The following AFTPH variants were observed in gnomAD, a reference collection of about 807,000 sequenced individuals.
The protein encoded by AFTPH is aftiphilin, also known as aftiphilin protein.
AFTPH carries 7 observed loss-of-function variants against 72.5 expected under a neutral mutation model. The ratio of observed to expected loss-of-function variants is 0.10; its 90% confidence interval spans 0.05 to 0.18. AFTPH has a LOEUF of 0.18. Among genes scored for constraint, AFTPH ranks in the 10% least tolerant of loss-of-function variants. The pLI is 1.00. For synonymous variants in AFTPH, 337 were observed against 370.1 expected (o/e 0.91, Z 1.03); for missense variants, 979 against 1,060.5 (o/e 0.92, Z 1.07).
intron 1 of AFTPH, among the ~76,000 whole-genome samples, chr2:64,544,004 C>A: frequency 6.6e-6 from 1 of 152,210 alleles, no homozygotes; most frequent in Non-Finnish European, 1.5e-5. Context: ...GCTTAGGTTC[C>A]ATTGCTGACT....
intron 1 of AFTPH, among the ~76,000 whole-genome samples, chr2:64,544,289 T>C (rs1427551542): frequency 6.6e-6 from 1 of 152,218 alleles, no homozygotes; most frequent in East Asian, 1.9e-4. Flanking sequence ...TGCTACCCAA[T>C]TATGAGACCC....
intron 1 of AFTPH, among the ~76,000 whole-genome samples, chr2:64,536,409 A>G (rs1195389011): frequency 6.6e-6 from 1 of 151,914 alleles, no homozygotes; most frequent in Non-Finnish European, 1.5e-5. Flanking sequence ...TCTAATAAAA[A>G]TAAAAAATTA....
chr2:64,548,907 TA>T (rs1670843385), intron 1 of AFTPH, among the ~76,000 whole-genome samples: 1 of 152,208 alleles, frequency 6.6e-6, no homozygotes, highest in Non-Finnish European at 1.5e-5. Flanking sequence ...TTGAAGTAGA[TA>T]TATTACAATG....
intron 1 of AFTPH, among the ~76,000 whole-genome samples, chr2:64,526,739 T>C (rs1033173440): frequency 6.6e-6 from 1 of 152,240 alleles, no homozygotes; most frequent in African/African-American, 2.4e-5. Flanking sequence ...TGCAGCTTTA[T>C]ATGATAATTG....
chr2:64,526,150 T>C (rs1669251209), intron 1 of AFTPH, among the ~76,000 whole-genome samples: 1 of 152,236 alleles, frequency 6.6e-6, no homozygotes, highest in South Asian at 2.1e-4. Context: ...AAGGATAATA[T>C]GTCCTTAATA....
intron 2 of AFTPH, among the ~76,000 whole-genome samples, chr2:64,562,191 G>A (rs1398417762): frequency 6.6e-6 from 1 of 152,100 alleles, no homozygotes; most frequent in African/African-American, 2.4e-5. Context: ...TATGGTATAT[G>A]GGAGACAAGA....
At chr2:64,538,493 A>G (rs144092659) in intron 1 of AFTPH, among the ~76,000 whole-genome samples, 32 of 152,298 alleles carry the variant, frequency 2.1e-4, no homozygotes, top group African/African-American at 7.7e-4. Context: ...GAATGTGTTT[A>G]TATTTGATTT....
At chr2:64,572,106 G>A (rs761239134) in intron 5 of AFTPH, among the ~76,000 whole-genome samples, 40 of 151,776 alleles carry the variant, frequency 2.6e-4, no homozygotes, top group Non-Finnish European at 5.0e-4. Flanking sequence ...TGTAATCTTA[G>A]CTACTCGGGA....
intron 6 of AFTPH, among the ~76,000 whole-genome samples, chr2:64,575,541 C>T (rs182699873): frequency 1.4e-4 from 21 of 152,034 alleles, no homozygotes; most frequent in African/African-American, 4.8e-4. Flanking sequence ...CACTTGAGCT[C>T]AGAAGCTTGA....
At chr2:64,553,497 T>C (rs1671173926) in intron 2 of AFTPH, 88 bp downstream of exon 2, 1 of 1,390,456 alleles carries the variant, frequency 7.2e-7, no homozygotes. Context: ...TTTTTTCAAC[T>C]GAGTACTTGT....
chr2:64,538,941 G>A (rs1558594550), intron 1 of AFTPH, among the ~76,000 whole-genome samples: 2 of 152,158 alleles, frequency 1.3e-5, no homozygotes, highest in Non-Finnish European at 2.9e-5. Flanking sequence ...CAGAGGAATG[G>A]CAGCTGCCAC....
rs542606672 is a variant in AFTPH at position 64,573,809 on chromosome 2, C to T, written c.2394+741C>T. Among the ~76,000 whole-genome samples the T allele has an allele frequency of 3.9e-5, 6 of 152,182 alleles. No homozygotes were observed. In the South Asian group the frequency reaches 1.2e-3, roughly 32 times the overall value. On this transcript the variant is annotated intron_variant, in intron 6 of 8. Transcript: ENST00000238856. ...AGTAGCTGGGACTACAGGTGTGTGC[C>T]AACGTGCCCAGCTAATTTTTGTGTT... is the stretch of plus-strand genomic sequence containing the variant.
At chr2:64,562,024 C>T (rs1338098402) in intron 2 of AFTPH, among the ~76,000 whole-genome samples, 1 of 152,154 alleles carries the variant, frequency 6.6e-6, no homozygotes, top group Admixed American at 6.5e-5. Context: ...GACTTTGGAT[C>T]AAATATCTGC....
chr2:64,585,450 A>G, exon 8 of AFTPH: 6 of 1,611,376 alleles, frequency 3.7e-6, no homozygotes, highest in Non-Finnish European at 5.1e-6. Context: ...ATGAGTTAAC[A>G]ACTTCTAAGC....
chr2:64,588,227 G>A (rs372027508), intron 8 of AFTPH, among the ~76,000 whole-genome samples: 1 of 151,968 alleles, frequency 6.6e-6, no homozygotes, highest in Admixed American at 6.6e-5. Context: ...TTTGTGTCTC[G>A]GTTTTGCTTA....
intron 2 of AFTPH, among the ~76,000 whole-genome samples, chr2:64,560,006 A>C (rs1262201529): frequency 6.6e-6 from 1 of 152,152 alleles, no homozygotes; most frequent in Non-Finnish European, 1.5e-5. Context: ...GCTCCGCCCC[A>C]GAATAATGTT....
chr2:64,572,815 AAG>A, intron 5 of AFTPH, 129 bp from the exon 6 acceptor site: 1 of 1,189,450 alleles, frequency 8.4e-7, no homozygotes, highest in Non-Finnish European at 1.1e-6. Flanking sequence ...AAAAAAAAAA[AAG>A]ACTAGTTCCT....
chr2:64,591,897 AAG>A lies in AFTPH; in HGVS notation c.2596_2597del (p.Glu866ArgfsTer5). The A allele has an allele frequency of 6.2e-7, 1 of 1,613,850 alleles. No homozygotes were observed. The highest frequency in any genetic ancestry group is 8.5e-7 in the Non-Finnish European group (1 of 1,179,840). ...TTTCATTTGTCAGTAGGAAACCGAA[AAG>A]AGAAGAGCACCTAAGTGAAGAAGCT... is the stretch of plus-strand genomic sequence containing the variant. On this transcript the variant is annotated frameshift_variant, in exon 9 of 9. Transcript: ENST00000238856. LOFTEE classifies it high-confidence loss of function.
At chr2:64,574,748 A>C in intron 6 of AFTPH, among the ~76,000 whole-genome samples, 1 of 152,232 alleles carries the variant, frequency 6.6e-6, no homozygotes, top group East Asian at 1.9e-4. Context: ...GGCAGCAGAC[A>C]AAGTGGCTTG....
Sources: gnomAD v4.1 joint callset for allele counts (sites outside exome capture counted in the v4.1 genomes callset) on GRCh38, gnomAD v4.1.1 for gene constraint, MANE v1.5 for transcripts, NCBI Gene and HGNC (gene_info 2026-07-23, HGNC 2026-07-21) for gene names.